Variants in SPEN observed in about 807,000 individuals in gnomAD.
SPEN encodes the protein msx2-interacting protein.
A neutral mutation model predicts 269.9 loss-of-function variants in SPEN; 18 were observed. The observed-to-expected ratio is 0.07, with a 90% CI of 0.05 to 0.10. SPEN has a LOEUF of 0.10. Ranked by LOEUF, SPEN falls within the 10% of genes least tolerant of loss-of-function variation. The pLI, the probability that SPEN is intolerant of heterozygous loss-of-function variation, is 1.00. For synonymous variants in SPEN, 1,726 were observed against 1,765.7 expected, an observed-to-expected ratio of 0.98 and a Z score of 0.56; for missense variants, 3,822 against 4,631.2, an observed-to-expected ratio of 0.83 and a Z score of 5.07.
At chr1:15,920,155 C>T (rs1016053621) in intron 8 of SPEN, among the ~76,000 whole-genome samples, 4 of 151,978 alleles carry the variant, frequency 2.6e-5, no homozygotes, top group Admixed American at 6.5e-5. Context: ...CTGCAACCTC[C>T]GCCTCCCAGG....
In SPEN at chr1:15,934,301, T is replaced by C. The variant is rs773919617; in HGVS notation, c.8061T>C (p.Ala2687=). The change falls in exon 11 of 15, where the codon GCT becomes GCC. Residue 2687 remains alanine (A), a synonymous_variant. Transcript: ENST00000375759. This position sits in a 1 kb window ranked among gnomAD's most constrained non-coding sequence, Gnocchi z 9.2. Reference sequence around the variant, plus strand: ...TGAAAAGTTTGGTGAGCACCCCTGCTGGGCCCGTGAACGTCCTGAAAGGGC... The same window carrying C: ...TGAAAAGTTTGGTGAGCACCCCTGCCGGGCCCGTGAACGTCCTGAAAGGGC... ...TTLKSLVSTP[A]GPVNVLKGPV... 1.4e-5 allele frequency: 22 copies of C among 1,614,050 alleles called. No homozygotes were observed. Among genetic ancestry groups the C allele is most frequent in the Admixed American group, 3.3e-5 (2 of 60,014 alleles).
At chr1:15,908,951 T>C (rs2070986864) in intron 3 of SPEN, among the ~76,000 whole-genome samples, 1 of 152,202 alleles carries the variant, frequency 6.6e-6, no homozygotes, top group South Asian at 2.1e-4. Context: ...GCTATATGTC[T>C]GATCCAAGAT....
chr1:15,878,355 T>A (rs2070653303), intron 3 of SPEN, among the ~76,000 whole-genome samples: 2 of 152,204 alleles, frequency 1.3e-5, no homozygotes, highest in African/African-American at 2.4e-5. Context: ...AAATAATACA[T>A]GAAAACATTT....
Position 15,930,445 on chromosome 1 carries a change from C to T in SPEN, c.4205C>T (p.Ser1402Phe). 1.9e-6 allele frequency: 3 copies of T among 1,614,156 alleles called. No homozygotes were observed. The highest frequency in any genetic ancestry group is 1.3e-5 in the African/African-American group (1 of 75,038). Reference sequence around the variant, plus strand: ...AGAGCCTCTGCATTATATGAAAGTTCTCGATTGTCTTTTTTATTGAGGGAC... The same window carrying T: ...AGAGCCTCTGCATTATATGAAAGTTTTCGATTGTCTTTTTTATTGAGGGAC... Reference protein sequence around the residue: ...SPRASALYESSRLSFLLRDRE... With the variant: ...SPRASALYESFRLSFLLRDRE... The change falls in exon 11 of 15, where the codon TCT becomes TTT. Residue 1402 changes from serine (S) to phenylalanine (F), a missense_variant. By Grantham distance (155) the Ser-to-Phe change is radical (BLOSUM62 -2). Transcript: ENST00000375759. This position sits in a 1 kb window ranked among gnomAD's most constrained non-coding sequence, Gnocchi z 5.3.
At chr1:15,866,893 A>T (rs556924791) in intron 1 of SPEN, among the ~76,000 whole-genome samples, 3 of 152,222 alleles carry the variant, frequency 2.0e-5, no homozygotes, top group Non-Finnish European at 4.4e-5. Flanking sequence ...GTGAGATAAC[A>T]TAGAAACTTG....
chr1:15,861,086 T>C (rs1486713871), intron 1 of SPEN, among the ~76,000 whole-genome samples: 1 of 151,840 alleles, frequency 6.6e-6, no homozygotes, highest in African/African-American at 2.4e-5. Flanking sequence ...TTTAAAAAAT[T>C]GCTTTTTGGT....
chr1:15,867,159 C>T (rs2070523078), intron 1 of SPEN, among the ~76,000 whole-genome samples: 1 of 152,142 alleles, frequency 6.6e-6, no homozygotes, highest in East Asian at 1.9e-4. Flanking sequence ...CCTTTGTCTT[C>T]AGCCCCTGGC....
At chr1:15,851,036 A>T (rs1225051541) in intron 1 of SPEN, among the ~76,000 whole-genome samples, 4 of 152,234 alleles carry the variant, frequency 2.6e-5, no homozygotes, top group African/African-American at 9.6e-5. Flanking sequence ...ATTTTACAAA[A>T]AGATTAAACC....
intron 1 of SPEN, among the ~76,000 whole-genome samples, chr1:15,854,080 C>T (rs1298677602): frequency 2.6e-5 from 4 of 152,076 alleles, no homozygotes; most frequent in African/African-American, 9.7e-5. Flanking sequence ...GGATTACAGG[C>T]GCCAGCCACC....
intron 10 of SPEN, among the ~76,000 whole-genome samples, chr1:15,924,121 CTG>C (rs1201841680): frequency 2.6e-5 from 4 of 152,114 alleles, no homozygotes; most frequent in African/African-American, 4.8e-5. Flanking sequence ...GCTCGATAGA[CTG>C]TTTTCTCAGT....
At position 15,932,714 on chromosome 1, in the gene SPEN, G is replaced by T; in HGVS notation, c.6474G>T (p.Pro2158=). The T allele has an allele frequency of 6.2e-7, 1 of 1,614,146 alleles. No homozygotes were observed. The highest frequency in any genetic ancestry group is 8.5e-7 in the Non-Finnish European group (1 of 1,180,042). The change falls in exon 11 of 15, where the codon CCG becomes CCT. Residue 2158 remains proline (P), a synonymous_variant. Coordinates refer to ENST00000375759, the MANE Select transcript of SPEN (RefSeq NM_015001.3). This position sits in a 1 kb window ranked among gnomAD's most constrained non-coding sequence, Gnocchi z 4.2. Reference sequence around the variant, plus strand: ...AAGAAGACGTGTCTGCCTCTGGGCCGTCCCCAGAAGCCACCCAGTTAGCCA... The same window carrying T: ...AAGAAGACGTGTCTGCCTCTGGGCCTTCCCCAGAAGCCACCCAGTTAGCCA... ...PEKEDVSASG[P]SPEATQLAKQ...
chr1:15,931,766 G>A lies in SPEN; in HGVS notation c.5526G>A (p.Arg1842=), dbSNP rs539264003. ...AVSIVEKPVT[R]KSERIDREKL... is the part of the protein sequence containing the mutation. ...GTATCGTGGAGAAGCCCGTCACAAG[G>A]AAGAGTGAGAGGATAGACCGGGAAA... The change falls in exon 11 of 15, where the codon AGG becomes AGA. Residue 1842 remains arginine, a synonymous_variant. Coordinates refer to ENST00000375759, the MANE Select transcript of SPEN (RefSeq NM_015001.3). The surrounding 1 kb of genome is among the most constrained non-coding windows in gnomAD (Gnocchi z 4.8). 1.9e-6 allele frequency: 3 copies of A among 1,614,146 alleles called. No individual in the cohort carries two copies. In the South Asian group the frequency reaches 3.3e-5, roughly 18 times the overall value.
chr1:15,906,724 A>G (rs1431682629), intron 3 of SPEN, among the ~76,000 whole-genome samples: 2 of 149,104 alleles, frequency 1.3e-5, no homozygotes, highest in Non-Finnish European at 3.0e-5. Context: ...TTGGCCTCCC[A>G]GAGTGCTGGG....
intron 3 of SPEN, among the ~76,000 whole-genome samples, chr1:15,898,070 AAGC>A (rs2070860012): frequency 6.6e-6 from 1 of 152,104 alleles, no homozygotes; most frequent in South Asian, 2.1e-4. Flanking sequence ...TGTGGGCAAA[AAGC>A]AGCAGGTAGC....
intron 9 of SPEN, 97 bp from the exon 10 acceptor site, chr1:15,922,152 C>A: frequency 1.2e-6 from 1 of 865,954 alleles, no homozygotes; most frequent in South Asian, 1.5e-5. Context: ...GAAATTTTCT[C>A]AGAAGGGCTA....
chr1:15,922,469 A>T, intron 10 of SPEN, 120 bp downstream of exon 10: 1 of 639,822 alleles, frequency 1.6e-6, no homozygotes. Flanking sequence ...TAGAATAGAG[A>T]ATGCTTCTCT....
rs1202479813 is a variant in SPEN at position 15,937,068 on chromosome 1, A to G, written c.10027-95A>G. The G allele has an allele frequency of 6.6e-7, 1 of 1,513,478 alleles. No individual in the cohort carries two copies. Among genetic ancestry groups the G allele is most frequent in the Non-Finnish European group, 8.9e-7 (1 of 1,124,630 alleles). The allele number at this position is 1,513,478 out of a possible 1,614,324, so 93.8% of individuals were successfully genotyped here. ...GACTTAACGGGAGATGCCACATCTT[A>G]TCCTTTCCCTGTGGCCCTTTGGGTC... On this transcript the variant is annotated intron_variant, in intron 11 of 14. Transcript: ENST00000375759. The surrounding 1 kb of genome is among the most constrained non-coding windows in gnomAD (Gnocchi z 5.7).
intron 3 of SPEN, among the ~76,000 whole-genome samples, chr1:15,906,039 A>G (rs2070952428): frequency 6.6e-6 from 1 of 152,212 alleles, no homozygotes; most frequent in Non-Finnish European, 1.5e-5. Context: ...TAAGTTGATA[A>G]GTCACATAAC....
chr1:15,938,707 C>T lies in SPEN; in HGVS notation c.10705-11C>T, dbSNP rs778401040. ...AGGCCCCTGCTCACTGGCAGCTGGC[C>T]TCTGCCTCAGGTGGAGACAGATTAC... On this transcript the variant is annotated splice_polypyrimidine_tract_variant and intron_variant, in intron 13 of 14. Transcript: ENST00000375759. The T allele has an allele frequency of 1.2e-6, 2 of 1,609,384 alleles. No individual in the cohort carries two copies. The highest frequency in any genetic ancestry group is 2.2e-5 in the East Asian group (1 of 44,710).
Sources: allele counts gnomAD v4.1 joint callset (sites outside exome capture counted in the v4.1 genomes callset), GRCh38; gene constraint gnomAD v4.1.1; non-coding constraint Gnocchi (gnomAD v3.1); transcripts MANE v1.5; gene names NCBI Gene and HGNC (gene_info 2026-07-23, HGNC 2026-07-21).